Variants in OR9Q1 observed in about 807,000 individuals in gnomAD.
The protein encoded by OR9Q1 is olfactory receptor family 9 subfamily Q member 1.
For missense variants in OR9Q1, 374 were observed against 378.8 expected, an observed-to-expected ratio of 0.99 and a Z score of 0.11; for synonymous variants, 153 against 148.6, an observed-to-expected ratio of 1.03 and a Z score of -0.22.
chr11:58,054,766 AT>A (rs1853311421), intron 1 of OR9Q1, among the ~76,000 whole-genome samples: 1 of 152,156 alleles, frequency 6.6e-6, no homozygotes, highest in African/African-American at 2.4e-5. Flanking sequence ...TCTACTAAAA[AT>A]ACAAAAATTC....
rs370103519 is a variant in OR9Q1 at position 58,126,902 on chromosome 11, G to C, written c.-14-52529G>C. Among the ~76,000 whole-genome samples the C allele has an allele frequency of 3.3e-5, 5 of 152,210 alleles. No homozygotes were observed. The South Asian group carries it at 8.3e-4, about 25-fold the overall frequency. Reference sequence around the variant, plus strand: ...TTTGACACATTGGGGGATCTAGAGTGCTTTGATGTATAACATAATCATTAC... The same window carrying C: ...TTTGACACATTGGGGGATCTAGAGTCCTTTGATGTATAACATAATCATTAC... On this transcript the variant is annotated intron_variant, in intron 2 of 2. Coordinates refer to ENST00000335397, the MANE Select transcript of OR9Q1 (RefSeq NM_001005212.4).
chr11:58,135,895 C>T (rs566444812), intron 2 of OR9Q1, among the ~76,000 whole-genome samples: 2 of 152,202 alleles, frequency 1.3e-5, no homozygotes, highest in African/African-American at 4.8e-5. Context: ...CAAGTGAACA[C>T]TTTTCACTTT....
intron 1 of OR9Q1, among the ~76,000 whole-genome samples, chr11:58,028,308 A>G (rs1330272938): frequency 6.6e-6 from 1 of 152,188 alleles, no homozygotes. Context: ...CCTGCATACA[A>G]GTTTGGAGGA....
intron 2 of OR9Q1, among the ~76,000 whole-genome samples, chr11:58,131,671 C>T (rs192205236): frequency 3.9e-5 from 6 of 152,096 alleles, no homozygotes; most frequent in East Asian, 3.9e-4. Flanking sequence ...ACCAGCGTTA[C>T]GGCAAGATTG....
intron 2 of OR9Q1, among the ~76,000 whole-genome samples, chr11:58,094,982 A>G (rs1050371896): frequency 4.6e-5 from 7 of 152,220 alleles, no homozygotes; most frequent in Non-Finnish European, 1.0e-4. Context: ...TGTGCAAAAT[A>G]CATGTTCGTC....
intron 2 of OR9Q1, among the ~76,000 whole-genome samples, chr11:58,146,217 A>G (rs1189471746): frequency 2.0e-5 from 3 of 152,206 alleles, no homozygotes; most frequent in African/African-American, 4.8e-5. Flanking sequence ...ATCTGCCTCA[A>G]TTAACTCAAG....
intron 2 of OR9Q1, among the ~76,000 whole-genome samples, chr11:58,127,956 T>C (rs907550610): frequency 6.6e-6 from 1 of 152,194 alleles, no homozygotes; most frequent in Admixed American, 6.5e-5. Flanking sequence ...CATCAACAAA[T>C]TTCATTTTTT....
chr11:58,154,062 A>G (rs780625876), intron 2 of OR9Q1, among the ~76,000 whole-genome samples: 1 of 151,534 alleles, frequency 6.6e-6, no homozygotes, highest in Non-Finnish European at 1.5e-5. Flanking sequence ...AGAGAGACAG[A>G]GAGGGAGAGA....
At chr11:58,083,654 T>C (rs555555276) in intron 2 of OR9Q1, among the ~76,000 whole-genome samples, 1 of 151,922 alleles carries the variant, frequency 6.6e-6, no homozygotes, top group East Asian at 1.9e-4. Flanking sequence ...AAGGTAAGGG[T>C]CCAGTTTCAT....
intron 1 of OR9Q1, among the ~76,000 whole-genome samples, chr11:58,034,792 C>CCCTCCCTTCCTTCCTTCCTTCCTT (rs71454310): frequency 3.1e-5 from 3 of 96,050 alleles, no homozygotes; most frequent in Admixed American, 2.4e-4. Context: ...CCTCCTTTCT[C>CCCTCCCTTCCTTCCTTCCTTCCTT]CCTTCCTTCC....
intron 2 of OR9Q1, among the ~76,000 whole-genome samples, chr11:58,090,796 A>G (rs544664584): frequency 6.6e-6 from 1 of 152,104 alleles, no homozygotes; most frequent in Non-Finnish European, 1.5e-5. Flanking sequence ...TTGGTAGGCT[A>G]TTAATTACTG....
At chr11:58,173,297 C>T (rs1854572704) in intron 2 of OR9Q1, among the ~76,000 whole-genome samples, 1 of 117,522 alleles carries the variant, frequency 8.5e-6, no homozygotes, top group Non-Finnish European at 1.7e-5. Flanking sequence ...TCCCCCCACC[C>T]CACAACAGTC....
At chr11:58,060,240 T>C (rs1487383982) in intron 2 of OR9Q1, 1 of 152,226 alleles carries the variant, frequency 6.6e-6, no homozygotes, top group Non-Finnish European at 1.5e-5. Context: ...TCTGGGTTTT[T>C]CCTTTTCAAA....
At chr11:58,072,888 A>T (rs915937962) in intron 2 of OR9Q1, 1 of 154,260 alleles carries the variant, frequency 6.5e-6, no homozygotes, top group Non-Finnish European at 1.5e-5. Context: ...GTTTAGATGT[A>T]TCTGAAACCA....
chr11:58,179,943 T>A lies in OR9Q1; in HGVS notation c.499T>A (p.Ser167Thr). 1 of 1,614,188 alleles carries A rather than the reference T, an allele frequency of 6.2e-7. No homozygotes were observed. The highest frequency in any genetic ancestry group is 8.5e-7 in the Non-Finnish European group (1 of 1,180,032). The change falls in exon 3 of 3, where the codon TCC becomes ACC. Residue 167 changes from serine (S) to threonine (T), a missense_variant. Coordinates refer to ENST00000335397, the MANE Select transcript of OR9Q1 (RefSeq NM_001005212.4). ...LVRTVSAFTL[S>T]FCGTSEIDFI... ...GCGGACAGTCTCAGCCTTCACTCTCTCCTTCTGTGGAACCAGTGAGATTGA... is the reference window on the plus strand; with the variant it reads ...GCGGACAGTCTCAGCCTTCACTCTCACCTTCTGTGGAACCAGTGAGATTGA...
intron 2 of OR9Q1, among the ~76,000 whole-genome samples, chr11:58,064,212 T>C (rs1853407470): frequency 6.6e-6 from 1 of 152,202 alleles, no homozygotes; most frequent in Non-Finnish European, 1.5e-5. Flanking sequence ...TGTCATTTCT[T>C]TGTCATTCTG....
intron 1 of OR9Q1, among the ~76,000 whole-genome samples, chr11:58,053,017 C>T (rs1275455447): frequency 2.0e-5 from 3 of 151,276 alleles, no homozygotes; most frequent in African/African-American, 4.8e-5. Context: ...TAAACTAGTT[C>T]AACCATTGTG....
intron 2 of OR9Q1, among the ~76,000 whole-genome samples, chr11:58,098,812 T>G (rs927267293): frequency 2.6e-5 from 4 of 152,194 alleles, no homozygotes; most frequent in African/African-American, 9.7e-5. Flanking sequence ...CTTGGATCAT[T>G]GATTCTAGAT....
chr11:58,080,976 C>A (rs28828729), intron 2 of OR9Q1, among the ~76,000 whole-genome samples: 3 of 152,048 alleles, frequency 2.0e-5, no homozygotes, highest in African/African-American at 7.2e-5. Context: ...TTGTCCCCCA[C>A]CCCCCGACAG....
Sources: gnomAD v4.1 joint callset for allele counts (sites outside exome capture counted in the v4.1 genomes callset) on GRCh38, gnomAD v4.1.1 for gene constraint, MANE v1.5 for transcripts, NCBI Gene and HGNC (gene_info 2026-07-23, HGNC 2026-07-21) for gene names.